The following PTPRA variants were observed in gnomAD, a reference collection of about 807,000 sequenced individuals.
PTPRA encodes the protein receptor-type tyrosine-protein phosphatase alpha.
A neutral mutation model predicts 104.8 loss-of-function variants in PTPRA; 25 were observed. The observed-to-expected ratio is 0.24, with a 90% CI of 0.17 to 0.33. PTPRA has a LOEUF of 0.33. PTPRA is among the 10% of genes least tolerant of loss of function. The probability of loss-of-function intolerance (pLI) is 1.00; values close to 1 mark genes in which losing one functional copy is unlikely to be tolerated. For missense variants in PTPRA, 765 were observed against 1,015.3 expected (o/e 0.75, Z 3.35); for synonymous variants, 323 against 368.9 (o/e 0.88, Z 1.43).
intron 11 of PTPRA, among the ~76,000 whole-genome samples, chr20:3,014,277 G>A (rs1376739542): frequency 2.0e-5 from 3 of 152,088 alleles, no homozygotes; most frequent in African/African-American, 7.2e-5. Context: ...CATCTCTGAG[G>A]CCTAAAGCTT....
At chr20:2,910,440 A>T in intron 1 of PTPRA, among the ~76,000 whole-genome samples, 1 of 80,000 alleles carries the variant, frequency 1.3e-5, no homozygotes, top group South Asian at 5.3e-4. Context: ...TGTATATTAT[A>T]TATAAGTAAA....
intron 1 of PTPRA, among the ~76,000 whole-genome samples, chr20:2,877,003 G>C (rs1438584826): frequency 6.6e-6 from 1 of 152,164 alleles, no homozygotes; most frequent in Non-Finnish European, 1.5e-5. Context: ...TGCGGGTGGT[G>C]GTGGGTGTTT....
intron 6 of PTPRA, among the ~76,000 whole-genome samples, chr20:2,977,260 C>T (rs1021405715): frequency 1.3e-5 from 2 of 148,630 alleles, no homozygotes; most frequent in Non-Finnish European, 3.0e-5. Context: ...AGACTGCACT[C>T]CAGCCTGGGT....
At chr20:2,890,582 T>A (rs1365219703) in intron 1 of PTPRA, among the ~76,000 whole-genome samples, 1 of 152,212 alleles carries the variant, frequency 6.6e-6, no homozygotes, top group Admixed American at 6.5e-5. Flanking sequence ...AGTGTAGCAT[T>A]ATTTGAATTA....
chr20:3,007,690 A>G (rs1332376065), intron 11 of PTPRA, among the ~76,000 whole-genome samples: 1 of 152,174 alleles, frequency 6.6e-6, no homozygotes, highest in African/African-American at 2.4e-5. Context: ...TGAATCCTTT[A>G]TTGAGCTGAT....
intron 9 of PTPRA, among the ~76,000 whole-genome samples, chr20:3,004,303 C>G (rs2063762597): frequency 6.6e-6 from 1 of 152,236 alleles, no homozygotes; most frequent in African/African-American, 2.4e-5. Context: ...CAGGCGTGAG[C>G]CACTTCACCC....
chr20:2,865,223 C>G, the PTPRA span: 93 of 1,614,100 alleles, frequency 5.8e-5, no homozygotes, highest in Non-Finnish European at 7.7e-5. The surrounding 1 kb of genome is among the most constrained non-coding windows in gnomAD (Gnocchi z 5.2). Context: ...GTTCCTAGAC[C>G]TGTCTCTACA....
chr20:2,994,035 G>T (rs1049564110), intron 9 of PTPRA, among the ~76,000 whole-genome samples: 3 of 152,308 alleles, frequency 2.0e-5, no homozygotes, highest in Middle Eastern at 3.4e-3. Context: ...GCCTGCAAAG[G>T]CTCCGTTCTA....
chr20:2,984,051 G>A (rs1429661475), intron 6 of PTPRA, among the ~76,000 whole-genome samples: 2 of 151,938 alleles, frequency 1.3e-5, no homozygotes, highest in Admixed American at 6.6e-5. Flanking sequence ...GGAGTGTTTC[G>A]TTGTGGAAAG....
chr20:2,868,820 C>T (rs1285724920), upstream of PTPRA, among the ~76,000 whole-genome samples: 2 of 151,948 alleles, frequency 1.3e-5, no homozygotes, highest in East Asian at 1.9e-4. Flanking sequence ...GTACACAATA[C>T]AAAACCCACA....
At chr20:2,914,557 A>G (rs962602805) in intron 1 of PTPRA, among the ~76,000 whole-genome samples, 1 of 147,732 alleles carries the variant, frequency 6.8e-6, no homozygotes, top group African/African-American at 2.5e-5. Context: ...TGTATTTGTA[A>G]CTCCCTTCTC....
chr20:2,877,714 A>C (rs1416563925), intron 1 of PTPRA, among the ~76,000 whole-genome samples: 7 of 152,178 alleles, frequency 4.6e-5, no homozygotes, highest in Non-Finnish European at 7.3e-5. Flanking sequence ...ATGTAAAACT[A>C]TTTATTTTAC....
intron 7 of PTPRA, among the ~76,000 whole-genome samples, chr20:2,987,061 T>TC (rs1695262336): frequency 6.6e-6 from 1 of 152,108 alleles, no homozygotes; most frequent in South Asian, 2.1e-4. Context: ...CCCTCTTTCT[T>TC]CCATCTGTCC....
intron 1 of PTPRA, among the ~76,000 whole-genome samples, chr20:2,917,948 G>A (rs2059963830): frequency 6.6e-6 from 1 of 152,000 alleles, no homozygotes; most frequent in Non-Finnish European, 1.5e-5. Flanking sequence ...ACTTAGCTGG[G>A]CAGAGTGGCA....
intron 1 of PTPRA, among the ~76,000 whole-genome samples, chr20:2,913,601 GTTTCTTCATC>G (rs1354094928): frequency 2.6e-5 from 4 of 152,210 alleles, no homozygotes; most frequent in African/African-American, 9.6e-5. Context: ...TGGACCTGAT[GTTTCTTCATC>G]TTTAGATTCA....
intron 13 of PTPRA, among the ~76,000 whole-genome samples, chr20:3,018,478 C>T (rs1020706275): frequency 6.6e-6 from 1 of 151,406 alleles, no homozygotes; most frequent in African/African-American, 2.4e-5. Flanking sequence ...CATCTTGCAC[C>T]GCCCTTAATC....
intron 1 of PTPRA, among the ~76,000 whole-genome samples, chr20:2,905,455 G>T (rs912520878): frequency 6.6e-6 from 1 of 152,086 alleles, no homozygotes; most frequent in Admixed American, 6.5e-5. Flanking sequence ...GGGTCAGTAT[G>T]TTTGTTCCAA....
At chr20:2,927,323 T>G (rs998117913) in intron 2 of PTPRA, among the ~76,000 whole-genome samples, 5 of 152,230 alleles carry the variant, frequency 3.3e-5, no homozygotes, top group Non-Finnish European at 7.3e-5. Flanking sequence ...GCTATTCAAA[T>G]GAGAAAATGA....
intron 18 of PTPRA, 152 bp downstream of exon 18, chr20:3,026,932 CT>C: frequency 1.1e-6 from 1 of 947,154 alleles, no homozygotes; most frequent in Non-Finnish European, 1.6e-6. Context: ...ATGGCGTTGC[CT>C]TTTGTTGCAC....
Sources: allele counts gnomAD v4.1 joint callset (sites outside exome capture counted in the v4.1 genomes callset), GRCh38; gene constraint gnomAD v4.1.1; non-coding constraint Gnocchi (gnomAD v3.1); transcripts MANE v1.5; gene names NCBI Gene and HGNC (gene_info 2026-07-23, HGNC 2026-07-21).